KHDRBS2: variants seen among roughly 807,000 people sequenced by gnomAD.
KHDRBS2 encodes KH RNA binding domain containing, signal transduction associated 2, also known as KH domain-containing, RNA-binding, signal transduction-associated protein 2.
Under a neutral mutation model 44.3 loss-of-function variants are expected in KHDRBS2, and 26 were observed. The observed-to-expected ratio is 0.59, with a 90% CI of 0.43 to 0.81. KHDRBS2 has a LOEUF of 0.81. Among genes scored for constraint, KHDRBS2 ranks in the 40% least tolerant of loss-of-function variants. The probability of loss-of-function intolerance (pLI) is 0.00; values close to 1 mark genes in which losing one functional copy is unlikely to be tolerated. For missense variants in KHDRBS2, 476 were observed against 433.1 expected, an observed-to-expected ratio of 1.10 and a Z score of -0.88; for synonymous variants, 194 against 151.1, an observed-to-expected ratio of 1.28 and a Z score of -2.08.
the KHDRBS2 span, among the ~76,000 whole-genome samples, chr6:61,620,965 T>C: frequency 1.3e-5 from 2 of 152,188 alleles, no homozygotes; most frequent in Non-Finnish European, 2.9e-5. Context: ...CTCTCTTTTA[T>C]CCCTAATATG....
chr6:62,013,035 T>C (rs1194071090), intron 3 of KHDRBS2, among the ~76,000 whole-genome samples: 5 of 152,164 alleles, frequency 3.3e-5, no homozygotes, highest in Admixed American at 3.3e-4. Context: ...ACGTCATGCA[T>C]TGTGCTCCTA....
At chr6:61,642,313 C>A in the KHDRBS2 span, among the ~76,000 whole-genome samples, 11 of 151,836 alleles carry the variant, frequency 7.2e-5, no homozygotes, top group African/African-American at 2.7e-4. Context: ...ATATTTAAAT[C>A]ATTTACTTGA....
At chr6:61,657,353 T>A in the KHDRBS2 span, among the ~76,000 whole-genome samples, 5 of 152,024 alleles carry the variant, frequency 3.3e-5, no homozygotes, top group Non-Finnish European at 7.4e-5. Context: ...GTTTTCATTC[T>A]TTCTTCTTCT....
At chr6:61,753,660 T>C (rs557738232) in intron 6 of KHDRBS2, among the ~76,000 whole-genome samples, 2 of 152,300 alleles carry the variant, frequency 1.3e-5, no homozygotes, top group South Asian at 2.1e-4. Context: ...AGTGGGGATA[T>C]GGCAGCCAAT....
At chr6:61,946,687 G>C (rs1469450826) in intron 4 of KHDRBS2, among the ~76,000 whole-genome samples, 1 of 152,162 alleles carries the variant, frequency 6.6e-6, no homozygotes, top group South Asian at 2.1e-4. Context: ...TGGTACTGAG[G>C]AGATGAGGGT....
the KHDRBS2 span, among the ~76,000 whole-genome samples, chr6:61,665,427 G>T: frequency 6.6e-6 from 1 of 151,354 alleles, no homozygotes; most frequent in Admixed American, 6.6e-5. Context: ...AGAAGAAAGA[G>T]TTAACAGGTT....
At chr6:61,566,379 T>G in the KHDRBS2 span, among the ~76,000 whole-genome samples, 1 of 152,198 alleles carries the variant, frequency 6.6e-6, no homozygotes, top group Non-Finnish European at 1.5e-5. Flanking sequence ...TTAAAATAAC[T>G]GAAGGAATGC....
At chr6:62,181,512 T>C (rs1822298678) in intron 1 of KHDRBS2, among the ~76,000 whole-genome samples, 1 of 151,960 alleles carries the variant, frequency 6.6e-6, no homozygotes, top group Admixed American at 6.6e-5. Context: ...TCACACCTGT[T>C]AGGATGGCTA....
chr6:61,960,686 T>C (rs1203243123), intron 4 of KHDRBS2, among the ~76,000 whole-genome samples: 1 of 152,150 alleles, frequency 6.6e-6, no homozygotes, highest in East Asian at 1.9e-4. Flanking sequence ...GATAAATTAT[T>C]CTAAGCATTT....
chr6:61,819,581 T>C (rs1789547451), intron 6 of KHDRBS2, among the ~76,000 whole-genome samples: 1 of 152,018 alleles, frequency 6.6e-6, no homozygotes, highest in Non-Finnish European at 1.5e-5. Flanking sequence ...CTGTTCTTTC[T>C]GAGATAAAAT....
At chr6:62,023,266 G>T (rs903565337) in intron 3 of KHDRBS2, among the ~76,000 whole-genome samples, 1 of 151,620 alleles carries the variant, frequency 6.6e-6, no homozygotes, top group African/African-American at 2.4e-5. Flanking sequence ...TCTACCTCAA[G>T]AAACAACCTG....
the KHDRBS2 span, among the ~76,000 whole-genome samples, chr6:61,611,416 A>G: frequency 6.6e-6 from 1 of 152,220 alleles, no homozygotes; most frequent in Non-Finnish European, 1.5e-5. Context: ...ACTCTTACAG[A>G]GGTAAGACTA....
At chr6:62,149,816 T>G (rs1420566941) in intron 2 of KHDRBS2, among the ~76,000 whole-genome samples, 5 of 152,158 alleles carry the variant, frequency 3.3e-5, no homozygotes, top group Non-Finnish European at 7.4e-5. Flanking sequence ...GGTGATGCAC[T>G]CTATCTTTCA....
At chr6:61,700,941 A>C (rs993230611) in intron 7 of KHDRBS2, among the ~76,000 whole-genome samples, 5 of 151,922 alleles carry the variant, frequency 3.3e-5, no homozygotes, top group African/African-American at 1.2e-4. Context: ...TGAGTCACTG[A>C]ATTTTGAGCC....
the KHDRBS2 span, among the ~76,000 whole-genome samples, chr6:61,543,560 CAG>C: frequency 1.3e-5 from 2 of 151,868 alleles, no homozygotes; most frequent in Non-Finnish European, 2.9e-5. Context: ...AAACTAAAAA[CAG>C]AGCTACCATA....
the KHDRBS2 span, among the ~76,000 whole-genome samples, chr6:61,560,365 A>C: frequency 6.6e-6 from 1 of 152,118 alleles, no homozygotes; most frequent in South Asian, 2.1e-4. Flanking sequence ...AGGTTTGGGA[A>C]GTTCTGCTGT....
downstream of KHDRBS2, among the ~76,000 whole-genome samples, chr6:61,677,179 A>T (rs1179285857): frequency 1.3e-5 from 2 of 151,868 alleles, no homozygotes; most frequent in African/African-American, 2.4e-5. Flanking sequence ...ACAATCAAAT[A>T]ATTACAGTGA....
intron 3 of KHDRBS2, among the ~76,000 whole-genome samples, chr6:61,992,334 C>T (rs752126999): frequency 2.0e-5 from 3 of 152,124 alleles, no homozygotes; most frequent in Non-Finnish European, 2.9e-5. Context: ...AAAATACTCA[C>T]GTTTCTTAGA....
intron 6 of KHDRBS2, among the ~76,000 whole-genome samples, chr6:61,848,579 A>ATATATATATG (rs1794976667): frequency 1.9e-5 from 2 of 105,090 alleles, no homozygotes; most frequent in Non-Finnish European, 3.8e-5. Context: ...ATATATACAT[A>ATATATATATG]TATATATATA....
Sources: gnomAD v4.1 joint callset for allele counts (sites outside exome capture counted in the v4.1 genomes callset) on GRCh38, gnomAD v4.1.1 for gene constraint, MANE v1.5 for transcripts, NCBI Gene and HGNC (gene_info 2026-07-23, HGNC 2026-07-21) for gene names.